DENND4A: variants seen among roughly 807,000 people sequenced by gnomAD.
DENND4A encodes the protein DENN domain containing 4A, also known as C-myc promoter-binding protein.
Under a neutral mutation model 199.3 loss-of-function variants are expected in DENND4A, and 70 were observed. That is an observed-to-expected ratio of 0.35 (90% CI 0.29 to 0.43). The LOEUF is 0.43. DENND4A is among the 20% of genes least tolerant of loss of function. DENND4A has a pLI of 1.00. For missense variants in DENND4A, 1,723 were observed against 2,255.8 expected (o/e 0.76, Z 4.78); for synonymous variants, 686 against 766.9 (o/e 0.89, Z 1.74).
intron 29 of DENND4A, among the ~76,000 whole-genome samples, chr15:65,667,159 G>GT (rs1402760086): frequency 2.0e-5 from 3 of 151,972 alleles, no homozygotes; most frequent in Non-Finnish European, 2.9e-5. Flanking sequence ...GTGAAACCCC[G>GT]TCTCTACTAA....
intron 9 of DENND4A, 54 bp from the exon 10 acceptor site, chr15:65,729,732 T>C (rs1387327859): frequency 6.7e-7 from 1 of 1,493,320 alleles, no homozygotes; most frequent in Admixed American, 2.2e-5. Context: ...AAACACCTCA[T>C]TATCTAAAAC....
intron 3 of DENND4A, among the ~76,000 whole-genome samples, chr15:65,754,286 TCTTC>T (rs2076644985): frequency 6.6e-6 from 1 of 152,220 alleles, no homozygotes; most frequent in Non-Finnish European, 1.5e-5. Flanking sequence ...AAGTGCTTAT[TCTTC>T]CTTCTTTTGA....
chr15:65,774,512 A>T (rs1251857916), intron 1 of DENND4A, among the ~76,000 whole-genome samples: 1 of 151,860 alleles, frequency 6.6e-6, no homozygotes, highest in African/African-American at 2.4e-5. Flanking sequence ...AATAAAAAAT[A>T]AAAAAGTTAG....
chr15:65,764,374 T>TA (rs2076927836), intron 1 of DENND4A, among the ~76,000 whole-genome samples: 1 of 152,144 alleles, frequency 6.6e-6, no homozygotes, highest in Non-Finnish European at 1.5e-5. Context: ...CTCACGCCTA[T>TA]AACCCCAGCA....
At position 65,708,336 on chromosome 15, in the gene DENND4A, T is replaced by TC. The variant is rs1470181482; in HGVS notation, c.1954-2113dup. ...TGTTTATTTATTTAATAGTTCTCAC[T>TC]CTTTTTTTTAGCAGCTTCTCCCTCT... On this transcript the variant is annotated intron_variant, in intron 14 of 32. Coordinates refer to ENST00000443035, the MANE Select transcript of DENND4A (RefSeq NM_001320835.1). Among the ~76,000 whole-genome samples the TC allele has an allele frequency of 2.0e-5, 3 of 152,166 alleles. No individual in the cohort carries two copies. In the East Asian group the frequency reaches 5.8e-4, roughly 29 times the overall value.
chr15:65,667,786 G>T, intron 28 of DENND4A, 83 bp from the exon 29 acceptor site: 1 of 1,501,518 alleles, frequency 6.7e-7, no homozygotes, highest in Non-Finnish European at 9.0e-7. Context: ...CATATGAGTA[G>T]AAAAGTAATA....
intron 7 of DENND4A, among the ~76,000 whole-genome samples, chr15:65,737,249 G>A (rs953263589): frequency 8.5e-5 from 13 of 152,074 alleles, no homozygotes; most frequent in African/African-American, 2.9e-4. Flanking sequence ...TGTAGAGATG[G>A]GGTTTCACTA....
chr15:65,752,229 AAT>A lies in DENND4A; in HGVS notation c.561+148_561+149del, dbSNP rs1226249479. 18 of 731,170 alleles carry A rather than the reference AAT, an allele frequency of 2.5e-5. No homozygotes were observed. In the African/African-American group the frequency reaches 3.6e-4, roughly 15 times the overall value. The allele number at this position is 731,170 out of a possible 1,614,324, so 45.3% of individuals were successfully genotyped here. ...GTACTTTCCGAAAAGTAAAATATCT[AAT>A]ATCTTTAAAAACACATTTTTCAATT... is the stretch of plus-strand genomic sequence containing the variant. On this transcript the variant is annotated intron_variant, in intron 4 of 32. Transcript: ENST00000443035.
intron 1 of DENND4A, among the ~76,000 whole-genome samples, chr15:65,783,476 C>T (rs1390555645): frequency 6.6e-6 from 1 of 152,100 alleles, no homozygotes; most frequent in African/African-American, 2.4e-5. Flanking sequence ...CATATATTTT[C>T]CAGGTCTATA....
chr15:65,688,702 A>G (rs1435125), intron 23 of DENND4A, among the ~76,000 whole-genome samples: 33,041 of 152,100 alleles, frequency 0.22, 4,134 homozygotes, highest in African/African-American at 0.34. Context: ...TTCTCTGTTC[A>G]GGAAATATGG....
chr15:65,663,410 T>C (rs2075936402), intron 32 of DENND4A, among the ~76,000 whole-genome samples: 1 of 151,892 alleles, frequency 6.6e-6, no homozygotes, highest in African/African-American at 2.4e-5. Flanking sequence ...GGTTTCACCA[T>C]ATTGGCCAGG....
chr15:65,788,425 T>C (rs2077626176), intron 1 of DENND4A, among the ~76,000 whole-genome samples: 1 of 152,204 alleles, frequency 6.6e-6, no homozygotes, highest in South Asian at 2.1e-4. Flanking sequence ...GTGTCTATTA[T>C]TGTGTAATGC....
At chr15:65,709,365 C>A (rs1404378776) in intron 14 of DENND4A, among the ~76,000 whole-genome samples, 1 of 152,084 alleles carries the variant, frequency 6.6e-6, no homozygotes, top group Non-Finnish European at 1.5e-5. Flanking sequence ...AATAACACCA[C>A]CAGGGATACA....
chr15:65,677,700 A>G (rs530603095), intron 23 of DENND4A, among the ~76,000 whole-genome samples: 8 of 152,208 alleles, frequency 5.3e-5, no homozygotes, highest in Non-Finnish European at 1.2e-4. Context: ...CCTCAAGTGG[A>G]TACCTAAGTG....
chr15:65,686,247 T>C (rs2076775835), intron 23 of DENND4A, among the ~76,000 whole-genome samples: 1 of 152,244 alleles, frequency 6.6e-6, no homozygotes, highest in South Asian at 2.1e-4. Context: ...TTTGGATCCT[T>C]TTCAATTGAC....
chr15:65,726,526 A>G (rs552553469), intron 11 of DENND4A, among the ~76,000 whole-genome samples: 1 of 152,288 alleles, frequency 6.6e-6, no homozygotes, highest in African/African-American at 2.4e-5. Flanking sequence ...AATATATTTC[A>G]TATTTTCTTG....
chr15:65,749,176 G>A (rs973533699), intron 4 of DENND4A, among the ~76,000 whole-genome samples: 2 of 151,158 alleles, frequency 1.3e-5, no homozygotes, highest in Non-Finnish European at 2.9e-5. Flanking sequence ...GTAAATATGC[G>A]CTTTGATCCA....
intron 1 of DENND4A, among the ~76,000 whole-genome samples, chr15:65,761,665 A>G (rs1261175183): frequency 6.7e-6 from 1 of 150,256 alleles, no homozygotes; most frequent in African/African-American, 2.4e-5. Flanking sequence ...GGCAATGAGA[A>G]AAAAAAAGAA....
At chr15:65,684,280 A>G (rs1223311800) in intron 23 of DENND4A, among the ~76,000 whole-genome samples, 1 of 152,306 alleles carries the variant, frequency 6.6e-6, no homozygotes, top group East Asian at 1.9e-4. Flanking sequence ...CTTAGCTTTT[A>G]AAGAAGCTGC....
Sources: allele counts gnomAD v4.1 joint callset (sites outside exome capture counted in the v4.1 genomes callset), GRCh38; gene constraint gnomAD v4.1.1; transcripts MANE v1.5; gene names NCBI Gene and HGNC (gene_info 2026-07-23, HGNC 2026-07-21).